OSBPL9: variants seen among roughly 807,000 people sequenced by gnomAD.
The protein encoded by OSBPL9 is oxysterol binding protein like 9.
Under a neutral mutation model 106.6 loss-of-function variants are expected in OSBPL9, and 40 were observed. That is an observed-to-expected ratio of 0.38 (90% CI 0.29 to 0.49). OSBPL9 has a LOEUF of 0.49. OSBPL9 is among the 20% of genes least tolerant of loss of function. OSBPL9 has a pLI of 0.97. For missense variants in OSBPL9, 609 were observed against 887.2 expected (o/e 0.69, Z 3.98); for synonymous variants, 269 against 295.4 (o/e 0.91, Z 0.92).
intron 4 of OSBPL9, among the ~76,000 whole-genome samples, chr1:51,727,627 G>A (rs367764386): frequency 9.2e-5 from 14 of 152,300 alleles, no homozygotes; most frequent in South Asian, 4.1e-4. Flanking sequence ...GGTTACATGT[G>A]TGCATATGTT....
intron 1 of OSBPL9, among the ~76,000 whole-genome samples, chr1:51,596,708 A>G (rs1645301567): frequency 6.6e-6 from 1 of 152,032 alleles, no homozygotes; most frequent in Non-Finnish European, 1.5e-5. Flanking sequence ...TGAACCCGGG[A>G]GGCGGAGGTT....
chr1:51,631,886 G>T (rs1312084259), intron 1 of OSBPL9, among the ~76,000 whole-genome samples: 2 of 152,142 alleles, frequency 1.3e-5, no homozygotes, highest in Non-Finnish European at 2.9e-5. Context: ...TGCAAAGGTG[G>T]CTTCAAAAAG....
At chr1:51,590,270 C>T (rs527514729) in intron 1 of OSBPL9, among the ~76,000 whole-genome samples, 42 of 151,846 alleles carry the variant, frequency 2.8e-4, no homozygotes, top group African/African-American at 1.0e-3. Context: ...CTGCAGTAGT[C>T]CACCTGAGAG....
intron 2 of OSBPL9, among the ~76,000 whole-genome samples, chr1:51,602,241 C>T (rs932420978): frequency 1.3e-5 from 2 of 151,324 alleles, no homozygotes; most frequent in Non-Finnish European, 3.0e-5. Context: ...ATCTCCTGAC[C>T]TCGTGATCCG....
intron 4 of OSBPL9, among the ~76,000 whole-genome samples, chr1:51,720,792 ATT>A (rs34137715): frequency 1.7e-3 from 173 of 101,112 alleles, no homozygotes; most frequent in African/African-American, 6.2e-3. Flanking sequence ...TCAAATTGGA[ATT>A]TTTTTTTTTT....
At chr1:51,590,039 A>G (rs1645266106) in intron 1 of OSBPL9, among the ~76,000 whole-genome samples, 1 of 150,066 alleles carries the variant, frequency 6.7e-6, no homozygotes, top group Non-Finnish European at 1.5e-5. Flanking sequence ...TCTCAAAAAA[A>G]AAAAAAAAAA....
chr1:51,692,484 A>C (rs1342671420), intron 3 of OSBPL9, among the ~76,000 whole-genome samples: 2 of 152,148 alleles, frequency 1.3e-5, no homozygotes, highest in South Asian at 2.1e-4. Flanking sequence ...CAGCATTGCC[A>C]CAAACGCCCT....
At chr1:51,668,064 T>A (rs1417361371) in intron 2 of OSBPL9, among the ~76,000 whole-genome samples, 1 of 152,156 alleles carries the variant, frequency 6.6e-6, no homozygotes, top group Non-Finnish European at 1.5e-5. Context: ...AGTCCCCCTA[T>A]GTAGCCTTTT....
chr1:51,555,020 C>T, the OSBPL9 span, among the ~76,000 whole-genome samples: 5 of 152,186 alleles, frequency 3.3e-5, no homozygotes, highest in East Asian at 1.9e-4. Flanking sequence ...CTGATCTGCT[C>T]TAGAACAAAG....
chr1:51,568,622 A>G, the OSBPL9 span, among the ~76,000 whole-genome samples: 1 of 152,170 alleles, frequency 6.6e-6, no homozygotes, highest in African/African-American at 2.4e-5. Flanking sequence ...GCTGGAGTGT[A>G]GTGGTGCAAC....
intron 3 of OSBPL9, among the ~76,000 whole-genome samples, chr1:51,710,665 C>T (rs1364945835): frequency 6.6e-6 from 1 of 152,212 alleles, no homozygotes; most frequent in Non-Finnish European, 1.5e-5. Context: ...CAGTTACTCT[C>T]TTTTAGCCAT....
intron 2 of OSBPL9, among the ~76,000 whole-genome samples, chr1:51,599,359 T>A (rs544488630): frequency 6.6e-6 from 1 of 152,294 alleles, no homozygotes; most frequent in African/African-American, 2.4e-5. Flanking sequence ...TCCCATGGAG[T>A]CTGTTCATTT....
chr1:51,532,890 G>C, the OSBPL9 span, among the ~76,000 whole-genome samples: 1 of 152,112 alleles, frequency 6.6e-6, no homozygotes, highest in South Asian at 2.1e-4. Context: ...TTGGAGTCAG[G>C]GTGTTGGAAG....
At chr1:51,727,327 A>C (rs1663313792) in intron 4 of OSBPL9, among the ~76,000 whole-genome samples, 1 of 152,126 alleles carries the variant, frequency 6.6e-6, no homozygotes, top group Non-Finnish European at 1.5e-5. Context: ...CATTGTTTAT[A>C]GTTTATTGTT....
At chr1:51,722,279 C>A (rs1223323137) in intron 4 of OSBPL9, among the ~76,000 whole-genome samples, 3 of 152,140 alleles carry the variant, frequency 2.0e-5, no homozygotes, top group African/African-American at 7.2e-5. Context: ...TCAAATTTGG[C>A]AACTCAAGCA....
intron 2 of OSBPL9, among the ~76,000 whole-genome samples, chr1:51,669,094 C>T (rs1188884245): frequency 6.6e-6 from 1 of 152,150 alleles, no homozygotes; most frequent in African/African-American, 2.4e-5. Context: ...GTTTTTGACT[C>T]CCATTTTAGA....
chr1:51,775,317 C>T (rs917637472), intron 14 of OSBPL9, among the ~76,000 whole-genome samples: 2 of 152,026 alleles, frequency 1.3e-5, no homozygotes, highest in Non-Finnish European at 2.9e-5. Context: ...CTGTCACACC[C>T]CTCTTCCTAT....
intron 2 of OSBPL9, among the ~76,000 whole-genome samples, chr1:51,600,930 T>C (rs1177082198): frequency 6.6e-6 from 1 of 152,174 alleles, no homozygotes; most frequent in Admixed American, 6.5e-5. Flanking sequence ...ATAATAGATA[T>C]CAGAAAGCTG....
chr1:51,780,330 G>A (rs988164283), intron 15 of OSBPL9, among the ~76,000 whole-genome samples: 3 of 152,094 alleles, frequency 2.0e-5, no homozygotes, highest in Non-Finnish European at 4.4e-5. Context: ...AGAACTGAAA[G>A]TAGATCCACC....
Sources: gnomAD v4.1 joint callset for allele counts (sites outside exome capture counted in the v4.1 genomes callset) on GRCh38, gnomAD v4.1.1 for gene constraint, MANE v1.5 for transcripts, NCBI Gene and HGNC (gene_info 2026-07-23, HGNC 2026-07-21) for gene names.